MCTP2: variants seen among roughly 807,000 people sequenced by gnomAD.
The protein encoded by MCTP2 is multiple C2 and transmembrane domain-containing protein 2.
In MCTP2, 132 loss-of-function variants were observed where a neutral mutation model predicts 111.6. The observed-to-expected ratio is 1.18, with a 90% CI of 1.03 to 1.37. The LOEUF is 1.37. Ranked by LOEUF, MCTP2 falls within the 40% of genes most tolerant of loss-of-function variation. The pLI is 0.00. For missense variants in MCTP2, 1,183 were observed against 1,067.9 expected (o/e 1.11, Z -1.50); for synonymous variants, 395 against 387.7 (o/e 1.02, Z -0.22).
At chr15:94,265,724 T>G (rs1381917841) in intron 1 of MCTP2, among the ~76,000 whole-genome samples, 1 of 152,172 alleles carries the variant, frequency 6.6e-6, no homozygotes, top group Non-Finnish European at 1.5e-5. Context: ...ATAAATTATC[T>G]TAATGAAGCC....
At chr15:94,244,974 A>G (rs1011842367) in intron 1 of MCTP2, among the ~76,000 whole-genome samples, 1 of 56,704 alleles carries the variant, frequency 1.8e-5, no homozygotes, top group Admixed American at 1.5e-4. Flanking sequence ...ATATGTATAC[A>G]CATACATATG....
chr15:94,356,322 A>G (rs3784659), intron 9 of MCTP2, 21 bp downstream of exon 9: 325,093 of 1,545,874 alleles, frequency 0.21, 35,697 homozygotes, highest in Admixed American at 0.32. Context: ...TCTTTTCCAT[A>G]AGGAGAACAG....
At chr15:94,322,533 T>C (rs2076677411) in intron 4 of MCTP2, among the ~76,000 whole-genome samples, 1 of 152,178 alleles carries the variant, frequency 6.6e-6, no homozygotes, top group African/African-American at 2.4e-5. Flanking sequence ...TTTTCCAATA[T>C]AAATTTATTT....
intron 4 of MCTP2, among the ~76,000 whole-genome samples, chr15:94,322,937 C>G (rs139082631): frequency 3.3e-5 from 5 of 152,136 alleles, no homozygotes; most frequent in Non-Finnish European, 7.3e-5. Flanking sequence ...ACTTTGCCCA[C>G]GAGGAAACAC....
intron 1 of MCTP2, among the ~76,000 whole-genome samples, chr15:94,236,825 A>G (rs540223054): frequency 2.6e-5 from 4 of 152,314 alleles, no homozygotes; most frequent in East Asian, 1.9e-4. Context: ...AAAGGCGCTC[A>G]TAAGTTATTG....
chr15:94,386,832 C>T (rs1304632246), intron 14 of MCTP2, among the ~76,000 whole-genome samples: 1 of 152,106 alleles, frequency 6.6e-6, no homozygotes, highest in Non-Finnish European at 1.5e-5. Flanking sequence ...CAAAACAACT[C>T]CCCTCTGTTT....
At chr15:94,419,713 C>A (rs2082536752) in intron 17 of MCTP2, among the ~76,000 whole-genome samples, 1 of 151,360 alleles carries the variant, frequency 6.6e-6, no homozygotes, top group East Asian at 1.9e-4. Flanking sequence ...GGCAGGCATC[C>A]TTTTATCAGG....
At chr15:94,280,680 T>C (rs1305834156) in intron 1 of MCTP2, among the ~76,000 whole-genome samples, 1 of 152,192 alleles carries the variant, frequency 6.6e-6, no homozygotes, top group Non-Finnish European at 1.5e-5. Context: ...CTAAGTGTGA[T>C]GTTAGATTGT....
rs188788146 is a variant in MCTP2, at chr15:94,403,102, G to C, written c.2085+1083G>C. On this transcript the variant is annotated intron_variant, in intron 17 of 22. Coordinates refer to ENST00000357742, the MANE Select transcript of MCTP2 (RefSeq NM_001385001.1). ...AAAAGAGGCTTTTCCTTTGCCATTG[G>C]GGGGTATTTTGTTTGCTGTCGTTTA... 1.4e-4 allele frequency: 142 copies of C among 986,516 alleles called. No individual in the cohort carries two copies. In the African/African-American group the frequency reaches 2.4e-3, roughly 16 times the overall value. The allele number at this position is 986,516 out of a possible 1,614,324, so 61.1% of individuals were successfully genotyped here.
chr15:94,244,010 T>C (rs2071432019), intron 1 of MCTP2, among the ~76,000 whole-genome samples: 2 of 147,006 alleles, frequency 1.4e-5, no homozygotes, highest in Non-Finnish European at 3.0e-5. Flanking sequence ...TATGCACACA[T>C]ATGTATACAC....
chr15:94,283,161 C>G (rs2074576942), intron 1 of MCTP2, among the ~76,000 whole-genome samples: 1 of 152,106 alleles, frequency 6.6e-6, no homozygotes, highest in Non-Finnish European at 1.5e-5. Context: ...ATGGCAGTGG[C>G]TGCTTGTAAA....
intron 5 of MCTP2, 24 bp downstream of exon 5, chr15:94,339,456 C>A (rs2152402114): frequency 6.5e-7 from 1 of 1,550,050 alleles, no homozygotes; most frequent in South Asian, 1.2e-5. Context: ...GCTTTCAAAT[C>A]TGCTCCTTTA....
At chr15:94,269,582 G>C (rs931605147) in intron 1 of MCTP2, among the ~76,000 whole-genome samples, 1 of 152,144 alleles carries the variant, frequency 6.6e-6, no homozygotes. Context: ...GCTTTTATAA[G>C]GGTTAAATTT....
intron 1 of MCTP2, among the ~76,000 whole-genome samples, chr15:94,264,824 T>C (rs1179223808): frequency 6.6e-6 from 1 of 152,154 alleles, no homozygotes; most frequent in Non-Finnish European, 1.5e-5. Flanking sequence ...TAAAGGATAC[T>C]CATGTATGAG....
intron 8 of MCTP2, among the ~76,000 whole-genome samples, chr15:94,345,712 G>A (rs1045198782): frequency 9.2e-5 from 14 of 152,146 alleles, no homozygotes; most frequent in African/African-American, 2.9e-4. Context: ...GCGCAAGAAT[G>A]CATTATTAAT....
intron 1 of MCTP2, among the ~76,000 whole-genome samples, chr15:94,258,718 TC>T (rs1239928132): frequency 6.6e-6 from 1 of 152,224 alleles, no homozygotes; most frequent in African/African-American, 2.4e-5. Context: ...ATTACCTGAT[TC>T]TTCTTTCTAA....
At chr15:94,470,543 C>G (rs906887377) in intron 21 of MCTP2, 101 bp downstream of exon 21, 6 of 903,552 alleles carry the variant, frequency 6.6e-6, no homozygotes, top group Non-Finnish European at 9.1e-6. Flanking sequence ...CTCTTGTTGG[C>G]AATTAAACAT....
At chr15:94,303,291 A>G (rs1027201536) in intron 2 of MCTP2, among the ~76,000 whole-genome samples, 16 of 151,808 alleles carry the variant, frequency 1.1e-4, no homozygotes, top group Middle Eastern at 3.4e-3. Flanking sequence ...AAGAATTTGG[A>G]TTCGGATGTT....
chr15:94,310,812 C>A (rs1056215416), intron 2 of MCTP2, among the ~76,000 whole-genome samples: 5 of 151,344 alleles, frequency 3.3e-5, no homozygotes, highest in African/African-American at 1.2e-4. Flanking sequence ...TGATGGTGTG[C>A]ACTTGTAATC....
Sources: allele counts gnomAD v4.1 joint callset (sites outside exome capture counted in the v4.1 genomes callset), GRCh38; gene constraint gnomAD v4.1.1; transcripts MANE v1.5; gene names NCBI Gene and HGNC (gene_info 2026-07-23, HGNC 2026-07-21).